Variants in ABCC2 observed in about 807,000 individuals in gnomAD.
ABCC2 encodes the protein ATP-binding cassette sub-family C member 2.
In ABCC2, 157 loss-of-function variants were observed where a neutral mutation model predicts 173.4. The observed-to-expected ratio is 0.91, with a 90% confidence interval of 0.80 to 1.03. The LOEUF (loss-of-function observed/expected upper bound fraction) is 1.03. ABCC2 is among the 50% of genes least tolerant of loss of function. The probability of loss-of-function intolerance (pLI) is 0.00; values close to 1 mark genes in which losing one functional copy is unlikely to be tolerated. For missense variants in ABCC2, 1,822 were observed against 1,852.3 expected (o/e 0.98, Z 0.30); for synonymous variants, 657 against 693.5 (o/e 0.95, Z 0.83).
chr10:99,798,519 C>T (rs1308223803), intron 7 of ABCC2, among the ~76,000 whole-genome samples: 1 of 152,172 alleles, frequency 6.6e-6, no homozygotes, highest in East Asian at 1.9e-4. Context: ...GTCAAGATAT[C>T]AGACTCGCTC....
chr10:99,848,181 C>T (rs541896431), intron 30 of ABCC2, among the ~76,000 whole-genome samples: 3 of 152,298 alleles, frequency 2.0e-5, no homozygotes, highest in South Asian at 4.1e-4. Flanking sequence ...AAAGAGCATG[C>T]GGATGACAGG....
At chr10:99,829,279 G>C (rs1215458803) in intron 19 of ABCC2, among the ~76,000 whole-genome samples, 1 of 152,170 alleles carries the variant, frequency 6.6e-6, no homozygotes, top group African/African-American at 2.4e-5. Context: ...TTGTATGGCT[G>C]TTAGTTTTCT....
intron 14 of ABCC2, 52 bp downstream of exon 14, chr10:99,810,270 G>T: frequency 6.8e-7 from 1 of 1,460,194 alleles, no homozygotes; most frequent in South Asian, 1.1e-5. Flanking sequence ...ACTGGTGCCA[G>T]AATTTTGATA....
intron 16 of ABCC2, among the ~76,000 whole-genome samples, chr10:99,816,717 G>A (rs1003562610): frequency 2.0e-5 from 3 of 152,260 alleles, no homozygotes; most frequent in East Asian, 3.9e-4. Context: ...AGCGGCGAGC[G>A]AGCATTATCA....
chr10:99,832,506 A>G (rs2038757918), intron 23 of ABCC2, among the ~76,000 whole-genome samples: 1 of 152,268 alleles, frequency 6.6e-6, no homozygotes, highest in Non-Finnish European at 1.5e-5. Flanking sequence ...AACTTAAGTC[A>G]TAGAAGCAAG....
At chr10:99,794,316 C>A (rs1564671310) in intron 5 of ABCC2, 97 bp from the exon 6 acceptor site, 3 of 1,167,594 alleles carry the variant, frequency 2.6e-6, no homozygotes, top group Non-Finnish European at 3.8e-6. Context: ...GTTTCTAGCA[C>A]AACATTATAT....
In ABCC2 at chr10:99,782,676, A is replaced by G. The variant is rs746210224; in HGVS notation, c.-169A>G. 5 of 769,866 alleles carry G rather than the reference A, an allele frequency of 6.5e-6. No individual in the cohort carries two copies. The highest frequency in any genetic ancestry group is 1.1e-5 in the Non-Finnish European group (5 of 466,258). 47.7% of individuals were successfully genotyped at this position (769,866 alleles called of 1,614,324 possible). ...CATCCACTGTTTCAATGTAACATGC[A>G]TCTAGGCAAGGTTAACGATTAAATG... On this transcript the variant is annotated 5_prime_UTR_variant, in exon 1 of 32. Coordinates refer to ENST00000647814, the MANE Select transcript of ABCC2 (RefSeq NM_000392.5).
chr10:99,805,598 G>C, intron 11 of ABCC2, 151 bp downstream of exon 11: 1 of 801,646 alleles, frequency 1.2e-6, no homozygotes, highest in African/African-American at 1.7e-5. Context: ...GTCCCTCTCA[G>C]GTCCTCCGTT....
chr10:99,787,855 C>T (rs2756106), intron 2 of ABCC2, among the ~76,000 whole-genome samples: 53,777 of 151,818 alleles, frequency 0.35, 10,368 homozygotes, highest in Middle Eastern at 0.48. Context: ...TTGAGCCCAG[C>T]ATTTCGAGAC....
chr10:99,806,077 CTGTGTGTGTGTG>C (rs10559742), intron 11 of ABCC2, among the ~76,000 whole-genome samples: 3 of 148,044 alleles, frequency 2.0e-5, no homozygotes, highest in Non-Finnish European at 3.0e-5. Context: ...CTCTCTCTGT[CTGTGTGTGTGTG>C]TGTGTGTGTG....
At position 99,843,901 on chromosome 10, in the gene ABCC2, G is replaced by T; in HGVS notation, c.3843+1G>T. The stretch of plus-strand genomic sequence containing the variant: ...TGAGTACACAAAAGTGGAAAATGAG[G>T]TAAGGAGGAACTGGAAAAATCCAGG... On this transcript the variant is annotated splice_donor_variant, in intron 27 of 31. Transcript: ENST00000647814. LOFTEE classifies it high-confidence loss of function. 1 of 1,612,370 alleles carries T rather than the reference G, an allele frequency of 6.2e-7. No individual in the cohort carries two copies. Among genetic ancestry groups the T allele is most frequent in the Non-Finnish European group, 8.5e-7 (1 of 1,178,364 alleles).
At chr10:99,835,249 G>A (rs1169903330) in intron 24 of ABCC2, among the ~76,000 whole-genome samples, 1 of 152,162 alleles carries the variant, frequency 6.6e-6, no homozygotes, top group African/African-American at 2.4e-5. Flanking sequence ...CTTGTGGCCT[G>A]CGATTGGCGG....
At chr10:99,841,899 G>A (rs956801561) in intron 25 of ABCC2, 68 bp from the exon 26 acceptor site, 18 of 1,610,962 alleles carry the variant, frequency 1.1e-5, no homozygotes, top group Admixed American at 1.7e-5. Context: ...TTCTGTGAAC[G>A]CCAAGGTTGC....
intron 19 of ABCC2, among the ~76,000 whole-genome samples, chr10:99,825,050 AT>A (rs2038608359): frequency 6.9e-6 from 1 of 144,496 alleles, no homozygotes; most frequent in Non-Finnish European, 1.5e-5. Flanking sequence ...TTCTTGATTT[AT>A]TTTAGCCTCA....
At chr10:99,802,830 G>A (rs2038034449) in intron 9 of ABCC2, among the ~76,000 whole-genome samples, 1 of 152,168 alleles carries the variant, frequency 6.6e-6, no homozygotes, top group Non-Finnish European at 1.5e-5. Context: ...GTACATTTGT[G>A]CAAGGCATTG....
chr10:99,805,337 C>T (rs2133022376), intron 10 of ABCC2, 45 bp from the exon 11 acceptor site: 3 of 1,573,412 alleles, frequency 1.9e-6, no homozygotes, highest in Non-Finnish European at 2.6e-6. Flanking sequence ...TGAGCCCTCT[C>T]TCATGGAAGC....
intron 2 of ABCC2, among the ~76,000 whole-genome samples, chr10:99,791,087 G>A (rs2037804162): frequency 1.3e-5 from 2 of 152,154 alleles, no homozygotes; most frequent in African/African-American, 2.4e-5. Flanking sequence ...TGAGCTCATA[G>A]GACAAATACT....
Position 99,832,028 on chromosome 10 carries a change from C to G in ABCC2, c.3155C>G (p.Ala1052Gly), listed in dbSNP as rs776490975. 15 of 1,614,204 alleles carry G rather than the reference C, an allele frequency of 9.3e-6. No individual in the cohort carries two copies. Among genetic ancestry groups the G allele is most frequent in the Non-Finnish European group, 6.8e-6 (8 of 1,180,026 alleles). Residue 1052 changes from alanine (A) to glycine (G), a missense_variant, in exon 23 of 32, where the codon GCA (alanine) becomes GGA (glycine). By Grantham distance (60) the Ala-to-Gly change is moderately conservative. Coordinates refer to ENST00000647814, the MANE Select transcript of ABCC2 (RefSeq NM_000392.5). The part of the protein sequence containing the change: ...HFWSAFGFVH[A>G]SNILHKQLLN... ...TGGAGTGCCTTTGGTTTCGTCCATG[C>G]ATCAAATATCTTGCACAAGCAACTG...
chr10:99,829,414 T>G (rs1008660049), intron 19 of ABCC2, among the ~76,000 whole-genome samples: 3 of 151,316 alleles, frequency 2.0e-5, no homozygotes, highest in African/African-American at 7.3e-5. Flanking sequence ...TTGCAAGCCT[T>G]TGGTTAATTT....
Sources: allele counts gnomAD v4.1 joint callset (sites outside exome capture counted in the v4.1 genomes callset), GRCh38; gene constraint gnomAD v4.1.1; transcripts MANE v1.5; gene names NCBI Gene and HGNC (gene_info 2026-07-23, HGNC 2026-07-21).